HIP1: variants seen among roughly 807,000 people sequenced by gnomAD.
The protein encoded by HIP1 is huntingtin-interacting protein 1.
HIP1 carries 65 observed loss-of-function variants against 147.6 expected under a neutral mutation model. The ratio of observed to expected loss-of-function variants is 0.44; its 90% CI spans 0.36 to 0.54. The LOEUF (loss-of-function observed/expected upper bound fraction) is 0.54, where lower values mean the gene tolerates loss of function less well. Ranked by LOEUF, HIP1 falls within the 20% of genes least tolerant of loss-of-function variation. The probability of loss-of-function intolerance (pLI) is 0.00; values close to 1 mark genes in which losing one functional copy is unlikely to be tolerated. For synonymous variants in HIP1, 479 were observed against 504.0 expected, an observed-to-expected ratio of 0.95 and a Z score of 0.67; for missense variants, 1,061 against 1,299.6, an observed-to-expected ratio of 0.82 and a Z score of 2.82.
At chr7:75,640,361 A>G (rs566587324) in intron 1 of HIP1, among the ~76,000 whole-genome samples, 1 of 152,308 alleles carries the variant, frequency 6.6e-6, no homozygotes, top group African/African-American at 2.4e-5. Flanking sequence ...TTCAGTAAGG[A>G]CCATCCAGCC....
chr7:75,725,902 G>A (rs932788229), intron 1 of HIP1, among the ~76,000 whole-genome samples: 11 of 148,636 alleles, frequency 7.4e-5, no homozygotes, highest in South Asian at 4.2e-4. Flanking sequence ...GGCTCACTGC[G>A]TCTCCATCTC....
At chr7:75,557,012 A>ATTT (rs782482947) in intron 16 of HIP1, among the ~76,000 whole-genome samples, 4 of 121,304 alleles carry the variant, frequency 3.3e-5, no homozygotes, top group African/African-American at 1.0e-4. Context: ...TCAAGGAAGG[A>ATTT]TTTTTTATTA....
At chr7:75,719,534 C>G (rs1439808253) in intron 1 of HIP1, among the ~76,000 whole-genome samples, 1 of 151,602 alleles carries the variant, frequency 6.6e-6, no homozygotes, top group Admixed American at 6.6e-5. Context: ...CTAATAGGAG[C>G]TGGTATTTCT....
intron 29 of HIP1, among the ~76,000 whole-genome samples, chr7:75,540,482 TATCTGTAGTCCCAGCTACTCA>T (rs1385491276): frequency 6.6e-6 from 1 of 150,716 alleles, no homozygotes; most frequent in African/African-American, 2.4e-5. Context: ...TGGTGGTGTG[TATCTGTAGTCCCAGCTACTCA>T]GGAGGCTGAG....
At chr7:75,595,251 T>TTTCTTC (rs1796675604) in intron 2 of HIP1, among the ~76,000 whole-genome samples, 2 of 59,504 alleles carry the variant, frequency 3.4e-5, no homozygotes, top group Admixed American at 1.8e-4. Flanking sequence ...TTTCTTTCTT[T>TTTCTTC]CTTCCTTCCT....
chr7:75,547,235 T>A (rs1173513412), intron 24 of HIP1, among the ~76,000 whole-genome samples: 1 of 152,132 alleles, frequency 6.6e-6, no homozygotes, highest in Non-Finnish European at 1.5e-5. Flanking sequence ...TGGGTCTCCA[T>A]CGTAAGGAAT....
rs111873444 is a variant in HIP1 at position 75,580,535 on chromosome 7, C to T, written c.604+702G>A. 8.3e-4 allele frequency among the ~76,000 whole-genome samples: 126 copies of T among 152,080 alleles called. 1 individual carries two copies. The highest frequency in any genetic ancestry group is 2.8e-3 in the African/African-American group (115 of 41,524). On this transcript the variant is annotated intron_variant, in intron 7 of 30. Transcript: ENST00000336926. ...GGAAGACACCTTGAGGCTGGTAGTT[C>T]AAGAACAGCCTGGGCAACACAGTGA... is the stretch of plus-strand genomic sequence containing the variant.
intron 1 of HIP1, among the ~76,000 whole-genome samples, chr7:75,614,206 C>A (rs192113940): frequency 2.6e-5 from 4 of 152,352 alleles, no homozygotes; most frequent in African/African-American, 9.6e-5. Flanking sequence ...CATGCCACCA[C>A]ACCCAGCTAA....
intron 1 of HIP1, among the ~76,000 whole-genome samples, chr7:75,710,021 G>A (rs1212376438): frequency 1.3e-5 from 2 of 152,050 alleles, no homozygotes; most frequent in African/African-American, 4.8e-5. Context: ...ACAGGCGCAT[G>A]CTACCATGCC....
At position 75,559,707 on chromosome 7, in the gene HIP1, G is replaced by A. The variant is rs782571707; in HGVS notation, c.1375+25C>T. 32 of 1,088,028 alleles carry A rather than the reference G, an allele frequency of 2.9e-5. No homozygotes were observed. The African/African-American group carries it at 3.4e-4, about 12-fold the overall frequency. The allele number at this position is 1,088,028 out of a possible 1,614,324, so 67.4% of individuals were successfully genotyped here. On this transcript the variant is annotated intron_variant, in intron 14 of 30. Transcript: ENST00000336926. ...CTGCCCGCGCCTGCCCCCGGGGCCCGCCCCCGCCCCCACCCACCGCTCACT... is the reference window on the plus strand; with the variant it reads ...CTGCCCGCGCCTGCCCCCGGGGCCCACCCCCGCCCCCACCCACCGCTCACT...
intron 4 of HIP1, among the ~76,000 whole-genome samples, chr7:75,589,683 CAAAAAAAAAAAAAAAAAAAA>C (rs1159535613): frequency 6.0e-5 from 3 of 49,642 alleles, no homozygotes; most frequent in African/African-American, 1.7e-4. Context: ...ACTCTGTCTC[CAAAAAAAAAAAAAAAAAAAA>C]AAAAAAAAAA....
chr7:75,595,761 G>GA (rs1302994310), intron 2 of HIP1, among the ~76,000 whole-genome samples: 102 of 151,872 alleles, frequency 6.7e-4, no homozygotes, highest in Non-Finnish European at 9.3e-4. Context: ...CATTCAGGGA[G>GA]AAAAAAAAGA....
At chr7:75,538,333 C>A in intron 30 of HIP1, 109 bp from the exon 31 acceptor site, 2 of 851,932 alleles carry the variant, frequency 2.3e-6, no homozygotes, top group Admixed American at 1.8e-5. Context: ...TAATTATAAC[C>A]ATGGTGTAAT....
chr7:75,630,694 G>A (rs1242295292), intron 1 of HIP1, among the ~76,000 whole-genome samples: 7 of 151,894 alleles, frequency 4.6e-5, no homozygotes, highest in South Asian at 2.1e-4. Context: ...TTAAGTTGCC[G>A]GCTGGTTAAC....
intron 1 of HIP1, among the ~76,000 whole-genome samples, chr7:75,728,838 G>A (rs1801735949): frequency 6.7e-6 from 1 of 149,020 alleles, no homozygotes; most frequent in African/African-American, 2.5e-5. Flanking sequence ...AGGGACGAGG[G>A]ACCCTGATGG....
At chr7:75,631,111 C>A (rs181512313) in intron 1 of HIP1, among the ~76,000 whole-genome samples, 2 of 151,772 alleles carry the variant, frequency 1.3e-5, no homozygotes, top group African/African-American at 2.4e-5. Flanking sequence ...CAGGCTCATG[C>A]GACCAAACCC....
Position 75,534,030 on chromosome 7 carries a change from C to G in HIP1, c.*4142G>C. ...TGGTAGAAGGTAGCAAGATGCTGACCGGTTATTAAAGACCAGGGTCAAATG... is the reference window on the plus strand; with the variant it reads ...TGGTAGAAGGTAGCAAGATGCTGACGGGTTATTAAAGACCAGGGTCAAATG... On this transcript the variant is annotated 3_prime_UTR_variant, in exon 31 of 31. Coordinates refer to ENST00000336926, the MANE Select transcript of HIP1 (RefSeq NM_005338.7). The G allele has an allele frequency of 4.3e-6, 1 of 231,732 alleles. No homozygotes were observed. 14.4% of individuals were successfully genotyped at this position (231,732 alleles called of 1,614,324 possible).
chr7:75,561,689 C>A (rs1407842466), intron 12 of HIP1, among the ~76,000 whole-genome samples: 1 of 152,172 alleles, frequency 6.6e-6, no homozygotes, highest in Non-Finnish European at 1.5e-5. Flanking sequence ...GTCGCCCAGG[C>A]TGAAGTGTAG....
intron 1 of HIP1, among the ~76,000 whole-genome samples, chr7:75,681,346 A>G (rs1047797366): frequency 6.6e-5 from 10 of 151,904 alleles, no homozygotes; most frequent in African/African-American, 9.7e-5. Flanking sequence ...GCCTTTGCAC[A>G]TGCTGGGACC....
Sources: gnomAD v4.1 joint callset for allele counts (sites outside exome capture counted in the v4.1 genomes callset) on GRCh38, gnomAD v4.1.1 for gene constraint, MANE v1.5 for transcripts, NCBI Gene and HGNC (gene_info 2026-07-23, HGNC 2026-07-21) for gene names.